The following DIP2B variants were observed in gnomAD, a reference collection of about 807,000 sequenced individuals.
The protein encoded by DIP2B is DIP2 acetate--CoA ligase B (putative), also known as disco-interacting protein 2 homolog B.
DIP2B carries 76 observed loss-of-function variants against 198.0 expected under a neutral mutation model. That is an observed-to-expected ratio of 0.38 (90% CI 0.32 to 0.46). DIP2B has a LOEUF of 0.46. DIP2B is among the 20% of genes least tolerant of loss of function. The pLI is 0.99. For synonymous variants in DIP2B, 701 were observed against 739.1 expected (o/e 0.95, Z 0.84); for missense variants, 1,559 against 1,978.4 (o/e 0.79, Z 4.02).
At chr12:50,511,416 C>G (rs1958015965) in intron 1 of DIP2B, among the ~76,000 whole-genome samples, 1 of 151,042 alleles carries the variant, frequency 6.6e-6, no homozygotes, top group Non-Finnish European at 1.5e-5. Flanking sequence ...CTCAGCCTCC[C>G]CAATAGCTGG....
At chr12:50,571,547 CGTT>C (rs1372578488) in intron 1 of DIP2B, among the ~76,000 whole-genome samples, 4 of 101,440 alleles carry the variant, frequency 3.9e-5, no homozygotes, top group South Asian at 3.5e-4. Context: ...GAAACCTAGG[CGTT>C]TTTTTTTTTT....
intron 1 of DIP2B, among the ~76,000 whole-genome samples, chr12:50,609,392 G>A (rs1170326811): frequency 1.3e-5 from 2 of 152,204 alleles, no homozygotes; most frequent in Non-Finnish European, 2.9e-5. Context: ...AAACAAGATA[G>A]AAGTTTATTT....
rs750376665 is a variant in DIP2B at position 50,680,657 on chromosome 12, T to C, written c.1115-15T>C. 6.2e-7 allele frequency: 1 copy of C among 1,607,982 alleles called. No homozygotes were observed. The highest frequency in any genetic ancestry group is 8.5e-7 in the Non-Finnish European group (1 of 1,178,258). The stretch of plus-strand genomic sequence containing the variant: ...TTTTCTATATGACTGTTGTTTTTTT[T>C]TCCTTTTTTTCCAGGAAAGTTGTGG... On this transcript the variant is annotated splice_polypyrimidine_tract_variant and intron_variant, in intron 8 of 37. Coordinates refer to ENST00000301180, the MANE Select transcript of DIP2B (RefSeq NM_173602.3).
At chr12:50,559,915 G>A (rs1958504312) in intron 1 of DIP2B, among the ~76,000 whole-genome samples, 1 of 152,056 alleles carries the variant, frequency 6.6e-6, no homozygotes. Context: ...CTGTGTACAA[G>A]TATAAGCCGT....
intron 1 of DIP2B, among the ~76,000 whole-genome samples, chr12:50,511,887 G>A (rs1280699166): frequency 2.9e-5 from 4 of 139,916 alleles, no homozygotes; most frequent in Non-Finnish European, 6.1e-5. Flanking sequence ...GGCAGATGTT[G>A]CAGTGAGCCG....
chr12:50,623,620 C>T (rs999367252), intron 1 of DIP2B, among the ~76,000 whole-genome samples: 1 of 151,896 alleles, frequency 6.6e-6, no homozygotes, highest in Non-Finnish European at 1.5e-5. Flanking sequence ...TGCAAACATA[C>T]CTATTACTGT....
chr12:50,676,112 A>G (rs1358519264), intron 7 of DIP2B, among the ~76,000 whole-genome samples: 1 of 152,318 alleles, frequency 6.6e-6, no homozygotes, highest in East Asian at 1.9e-4. Flanking sequence ...TAATTTTTAA[A>G]TTATGGATAA....
intron 1 of DIP2B, among the ~76,000 whole-genome samples, chr12:50,594,278 C>A (rs1408129183): frequency 6.6e-6 from 1 of 151,962 alleles, no homozygotes; most frequent in Non-Finnish European, 1.5e-5. Context: ...GGTATCAAAG[C>A]CCAACCAACC....
chr12:50,546,331 C>G (rs920384333), intron 1 of DIP2B, among the ~76,000 whole-genome samples: 1 of 152,064 alleles, frequency 6.6e-6, no homozygotes, highest in African/African-American at 2.4e-5. Context: ...GTGAAAAATT[C>G]TTTTTTAAAA....
intron 1 of DIP2B, among the ~76,000 whole-genome samples, chr12:50,521,685 G>T (rs1169809906): frequency 6.6e-6 from 1 of 151,126 alleles, no homozygotes; most frequent in African/African-American, 2.4e-5. Flanking sequence ...CAGTAGAGAC[G>T]GGGTTTCTCC....
chr12:50,563,225 T>G (rs1958534868), intron 1 of DIP2B, among the ~76,000 whole-genome samples: 1 of 152,216 alleles, frequency 6.6e-6, no homozygotes, highest in Admixed American at 6.5e-5. Flanking sequence ...CTCTCTCTGT[T>G]GCCCAGGCTG....
At chr12:50,733,330 T>C (rs1321976336) in intron 32 of DIP2B, among the ~76,000 whole-genome samples, 1 of 151,924 alleles carries the variant, frequency 6.6e-6, no homozygotes, top group Non-Finnish European at 1.5e-5. Context: ...CATGTTATTC[T>C]TGATGGGTAA....
At chr12:50,586,196 A>G (rs76904091) in intron 1 of DIP2B, among the ~76,000 whole-genome samples, 14 of 152,372 alleles carry the variant, frequency 9.2e-5, no homozygotes, top group African/African-American at 3.4e-4. Flanking sequence ...TGGTTTTACC[A>G]AAATGGTAAA....
chr12:50,738,460 T>C (rs1309978053), intron 35 of DIP2B, among the ~76,000 whole-genome samples: 1 of 152,104 alleles, frequency 6.6e-6, no homozygotes, highest in Admixed American at 6.5e-5. Flanking sequence ...CTGGGCAACA[T>C]AGCAAAGACC....
At position 50,714,489 on chromosome 12, in the gene DIP2B, C is replaced by G. The variant is rs369371989; in HGVS notation, c.2744C>G (p.Ser915Cys). 3.7e-6 allele frequency: 6 copies of G among 1,614,194 alleles called. No homozygotes were observed. Among genetic ancestry groups the G allele is most frequent in the Non-Finnish European group, 5.1e-6 (6 of 1,180,040 alleles). The change falls in exon 23 of 38, where the codon TCT becomes TGT. Residue 915 changes from serine to cysteine, a missense_variant. By Grantham distance (112) the Ser-to-Cys change is moderately radical (BLOSUM62 -1). Coordinates refer to ENST00000301180, the MANE Select transcript of DIP2B (RefSeq NM_173602.3). ...ACTCCACTAGGAGGAATCCATATAT[C>G]TCAGACGAAACAACTCTTTCTGGAG... The part of the protein sequence containing the change: ...PKTPLGGIHI[S>C]QTKQLFLEGS...
At chr12:50,692,075 A>G (rs572321691) in intron 13 of DIP2B, among the ~76,000 whole-genome samples, 1 of 151,992 alleles carries the variant, frequency 6.6e-6, no homozygotes, top group Non-Finnish European at 1.5e-5. Flanking sequence ...AAAAAAATAT[A>G]TATATATATA....
At chr12:50,598,228 AG>A (rs1958895468) in intron 1 of DIP2B, among the ~76,000 whole-genome samples, 1 of 152,212 alleles carries the variant, frequency 6.6e-6, no homozygotes. Flanking sequence ...CACATAATTA[AG>A]GTAATAAGGA....
At chr12:50,556,114 C>T (rs576858695) in intron 1 of DIP2B, among the ~76,000 whole-genome samples, 3 of 152,002 alleles carry the variant, frequency 2.0e-5, no homozygotes, top group East Asian at 1.9e-4. Flanking sequence ...AGTGCAGTGG[C>T]GCGACGCTCA....
At chr12:50,532,912 CTT>C (rs781044331) in intron 1 of DIP2B, among the ~76,000 whole-genome samples, 4 of 152,198 alleles carry the variant, frequency 2.6e-5, no homozygotes, top group Non-Finnish European at 5.9e-5. Flanking sequence ...TAGAGTAACT[CTT>C]TGTTAGTGAC....
Sources: gnomAD v4.1 joint callset for allele counts (sites outside exome capture counted in the v4.1 genomes callset) on GRCh38, gnomAD v4.1.1 for gene constraint, MANE v1.5 for transcripts, NCBI Gene and HGNC (gene_info 2026-07-23, HGNC 2026-07-21) for gene names.